Variants in RSBN1L observed in about 807,000 individuals in gnomAD.
The protein encoded by RSBN1L is round spermatid basic protein 1 like.
Under a neutral mutation model 67.7 loss-of-function variants are expected in RSBN1L, and 30 were observed. The observed-to-expected ratio is 0.44, with a 90% confidence interval of 0.33 to 0.60. The LOEUF (loss-of-function observed/expected upper bound fraction) is 0.60, where lower values mean the gene tolerates loss of function less well. RSBN1L is among the 20% of genes least tolerant of loss of function. The probability of loss-of-function intolerance (pLI) is 0.02; values close to 1 mark genes in which losing one functional copy is unlikely to be tolerated. For missense variants in RSBN1L, 992 were observed against 1,031.7 expected (o/e 0.96, Z 0.53); for synonymous variants, 433 against 387.0 (o/e 1.12, Z -1.39).
At chr7:77,725,768 T>C (rs1218296453) in intron 1 of RSBN1L, among the ~76,000 whole-genome samples, 1 of 152,060 alleles carries the variant, frequency 6.6e-6, no homozygotes, top group African/African-American at 2.4e-5. Flanking sequence ...TTTTGTATTT[T>C]TAGTAGAGAC....
intron 1 of RSBN1L, among the ~76,000 whole-genome samples, chr7:77,735,692 T>C (rs1451764790): frequency 6.6e-6 from 1 of 152,224 alleles, no homozygotes; most frequent in African/African-American, 2.4e-5. Context: ...TGTCACTATT[T>C]GTATATCCTT....
intron 3 of RSBN1L, 61 bp downstream of exon 3, chr7:77,750,125 T>G (rs1470018657): frequency 1.9e-6 from 2 of 1,031,186 alleles, no homozygotes; most frequent in African/African-American, 1.6e-5. Context: ...TGAGTTTCTG[T>G]TTTTTGTTCC....
At position 77,730,100 on chromosome 7, in the gene RSBN1L, A is replaced by G. The variant is rs535854087; in HGVS notation, c.587-6310A>G. ...ATGATTTCTTTTTTGTTCTGGGTTG[A>G]TAGTAACTTAGTCATACATTCCTTC... On this transcript the variant is annotated intron_variant, in intron 1 of 7. Coordinates refer to ENST00000334955, the MANE Select transcript of RSBN1L (RefSeq NM_198467.3). Among the ~76,000 whole-genome samples the G allele has an allele frequency of 4.1e-4, 63 of 152,134 alleles. 1 individual carries two copies. Among genetic ancestry groups the G allele is most frequent in the African/African-American group, 1.4e-3 (60 of 41,490 alleles).
rs149102183 is a variant in RSBN1L at position 77,724,481 on chromosome 7, A to G, written c.587-11929A>G. ...CACTCTGTTGTCCAGGTGGGAGTAC[A>G]CTGGTGCGCTCTTGGTTCACTGCAA... On this transcript the variant is annotated intron_variant, in intron 1 of 7. Transcript: ENST00000334955. Among the ~76,000 whole-genome samples the G allele has an allele frequency of 4.4e-4, 65 of 146,768 alleles. 1 individual carries two copies. In the East Asian group the frequency reaches 0.013, roughly 29 times the overall value.
intron 1 of RSBN1L, among the ~76,000 whole-genome samples, chr7:77,709,805 A>G (rs527363941): frequency 6.6e-6 from 1 of 152,266 alleles, no homozygotes; most frequent in East Asian, 1.9e-4. Context: ...GTCCATTGTT[A>G]GCACTCCTCA....
At chr7:77,701,503 A>G (rs1252975001) in intron 1 of RSBN1L, among the ~76,000 whole-genome samples, 1 of 152,170 alleles carries the variant, frequency 6.6e-6, no homozygotes, top group African/African-American at 2.4e-5. Flanking sequence ...TTCCCAAAGT[A>G]GATGTTAAGA....
At chr7:77,744,561 T>G (rs1303000844) in intron 2 of RSBN1L, among the ~76,000 whole-genome samples, 1 of 151,782 alleles carries the variant, frequency 6.6e-6, no homozygotes, top group Non-Finnish European at 1.5e-5. Context: ...GGATTACAGG[T>G]GCCTGCCACC....
intron 1 of RSBN1L, among the ~76,000 whole-genome samples, chr7:77,727,689 C>G (rs1490922266): frequency 6.6e-6 from 1 of 151,758 alleles, no homozygotes; most frequent in African/African-American, 2.4e-5. Flanking sequence ...TGGTCTTACC[C>G]TCCTGGCATC....
At chr7:77,755,713 GAAAAA>G (rs530173805) in intron 3 of RSBN1L, among the ~76,000 whole-genome samples, 2 of 149,934 alleles carry the variant, frequency 1.3e-5, no homozygotes, top group African/African-American at 4.9e-5. Context: ...TAAGCCCACT[GAAAAA>G]AAAAATTGTA....
intron 1 of RSBN1L, among the ~76,000 whole-genome samples, chr7:77,733,892 C>T (rs745319186): frequency 1.3e-5 from 2 of 152,152 alleles, no homozygotes; most frequent in Non-Finnish European, 2.9e-5. Flanking sequence ...TTTGGGATGC[C>T]AAGGCGTGCA....
chr7:77,756,623 C>G (rs1006560348), intron 3 of RSBN1L, among the ~76,000 whole-genome samples: 3 of 151,688 alleles, frequency 2.0e-5, no homozygotes, highest in Non-Finnish European at 1.5e-5. Flanking sequence ...AAAAAAAATA[C>G]AAAAATTAGC....
intron 1 of RSBN1L, among the ~76,000 whole-genome samples, chr7:77,705,510 G>GTTTTTTTTTTTTTTTTTTT (rs56187940): frequency 9.0e-6 from 1 of 111,510 alleles, no homozygotes; most frequent in African/African-American, 3.8e-5. Flanking sequence ...CATTGTAATG[G>GTTTTTTTTTTTTTTTTTTT]TTTTTTTTTT....
intron 1 of RSBN1L, among the ~76,000 whole-genome samples, chr7:77,724,661 G>T (rs555314026): frequency 1.3e-5 from 2 of 151,744 alleles, no homozygotes; most frequent in South Asian, 2.1e-4. Flanking sequence ...CCCGACTTCA[G>T]GTGATCCACC....
chr7:77,780,328 C>T lies in RSBN1L; in HGVS notation c.*1160C>T, dbSNP rs1207763385. On this transcript the variant is annotated 3_prime_UTR_variant, in exon 8 of 8. Transcript: ENST00000334955. Reference sequence around the variant, plus strand: ...GTTTTATATTAAACTATTAAGAAAGCAGTTTAGGTAATAGAAACAGTTTTA... The same window carrying T: ...GTTTTATATTAAACTATTAAGAAAGTAGTTTAGGTAATAGAAACAGTTTTA... 1 of 152,064 alleles carries T rather than the reference C, an allele frequency of 6.6e-6. No individual in the cohort carries two copies. Among genetic ancestry groups the T allele is most frequent in the African/African-American group, 2.4e-5 (1 of 41,402 alleles). 9.4% of individuals were successfully genotyped at this position (152,064 alleles called of 1,614,324 possible). A position where few individuals can be genotyped will look rare whatever the true frequency, so the allele number is the denominator to read the frequency against.
At chr7:77,709,145 A>G (rs1187439152) in intron 1 of RSBN1L, among the ~76,000 whole-genome samples, 1 of 134,448 alleles carries the variant, frequency 7.4e-6, no homozygotes, top group Non-Finnish European at 1.6e-5. Context: ...CATAGAAGGG[A>G]TTCTGTTTGT....
At chr7:77,728,091 C>G (rs1209520577) in intron 1 of RSBN1L, among the ~76,000 whole-genome samples, 1 of 152,130 alleles carries the variant, frequency 6.6e-6, no homozygotes, top group Non-Finnish European at 1.5e-5. Flanking sequence ...ATCCGCTGAG[C>G]CATCTGCACA....
At position 77,698,756 on chromosome 7, in the gene RSBN1L, A is replaced by G. The variant is rs1480749485; in HGVS notation, c.586+1701A>G. The stretch of plus-strand genomic sequence containing the variant: ...TGGGAATGATCTTTTCCCATGACCT[A>G]TGTGGGTTTTTTGGAGTAGTGACAA... On this transcript the variant is annotated intron_variant, in intron 1 of 7. Transcript: ENST00000334955. Among the ~76,000 whole-genome samples, 5 of 152,284 alleles carry G rather than the reference A, an allele frequency of 3.3e-5. No homozygotes were observed. The East Asian group carries it at 9.6e-4, about 29-fold the overall frequency.
chr7:77,773,849 C>G (rs538403390), intron 6 of RSBN1L, among the ~76,000 whole-genome samples: 4 of 152,194 alleles, frequency 2.6e-5, no homozygotes, highest in Admixed American at 6.5e-5. Flanking sequence ...TTCTAAGTGA[C>G]TAGATGTAAA....
At chr7:77,731,044 T>A (rs1791265646) in intron 1 of RSBN1L, among the ~76,000 whole-genome samples, 1 of 152,246 alleles carries the variant, frequency 6.6e-6, no homozygotes, top group African/African-American at 2.4e-5. Flanking sequence ...TTTGGTGTTG[T>A]CAGTGTTCTG....
Sources: gnomAD v4.1 joint callset for allele counts (sites outside exome capture counted in the v4.1 genomes callset) on GRCh38, gnomAD v4.1.1 for gene constraint, MANE v1.5 for transcripts, NCBI Gene and HGNC (gene_info 2026-07-23, HGNC 2026-07-21) for gene names.